Variants in APBA2 observed in about 807,000 individuals in gnomAD.
The protein encoded by APBA2 is amyloid-beta A4 precursor protein-binding family A member 2.
APBA2 carries 30 observed loss-of-function variants against 75.0 expected under a neutral mutation model. The observed-to-expected ratio is 0.40, with a 90% CI of 0.30 to 0.54. The LOEUF (loss-of-function observed/expected upper bound fraction) is 0.54. APBA2 is among the 20% of genes least tolerant of loss of function. The pLI, the probability that APBA2 is intolerant of heterozygous loss-of-function variation, is 0.49. For synonymous variants in APBA2, 444 were observed against 409.6 expected, an observed-to-expected ratio of 1.08 and a Z score of -1.01; for missense variants, 801 against 1,016.1, an observed-to-expected ratio of 0.79 and a Z score of 2.88.
At chr15:28,893,289 CTCAG>C (rs1473094980) in intron 1 of APBA2, among the ~76,000 whole-genome samples, 2 of 152,248 alleles carry the variant, frequency 1.3e-5, no homozygotes, top group Non-Finnish European at 2.9e-5. Context: ...CAGTAAAGCA[CTCAG>C]TCAGTGCAGT....
intron 2 of APBA2, among the ~76,000 whole-genome samples, chr15:28,955,249 G>A (rs777188520): frequency 2.0e-5 from 3 of 152,028 alleles, no homozygotes; most frequent in Non-Finnish European, 2.9e-5. Context: ...CGTTTTGTGT[G>A]GTCTTCGGTT....
intron 6 of APBA2, among the ~76,000 whole-genome samples, chr15:29,078,884 T>C (rs940174925): frequency 7.9e-5 from 12 of 152,192 alleles, no homozygotes; most frequent in African/African-American, 2.2e-4. Flanking sequence ...GATTAAGAGG[T>C]GATGACTTCT....
chr15:29,016,923 TG>T (rs2039690203), intron 3 of APBA2, among the ~76,000 whole-genome samples: 1 of 152,212 alleles, frequency 6.6e-6, no homozygotes, highest in African/African-American at 2.4e-5. Flanking sequence ...TTTCATCAAA[TG>T]ATGCTTATTA....
intron 3 of APBA2, among the ~76,000 whole-genome samples, chr15:29,020,272 T>C (rs575935521): frequency 3.7e-4 from 49 of 132,318 alleles, no homozygotes; most frequent in Middle Eastern, 3.4e-3. Flanking sequence ...TGTTGTCTTC[T>C]GTTTTAGGTG....
chr15:29,014,115 A>G (rs1326813469), intron 3 of APBA2, among the ~76,000 whole-genome samples: 1 of 152,208 alleles, frequency 6.6e-6, no homozygotes, highest in African/African-American at 2.4e-5. Context: ...AGATCATTGG[A>G]GAATCCCCAC....
chr15:29,107,931 G>A (rs928854777), intron 12 of APBA2, among the ~76,000 whole-genome samples: 25 of 152,160 alleles, frequency 1.6e-4, no homozygotes, highest in African/African-American at 6.0e-4. Flanking sequence ...TCGACACCCT[G>A]AGGGTGACCT....
At chr15:28,958,906 C>T (rs1308233602) in intron 2 of APBA2, among the ~76,000 whole-genome samples, 1 of 151,688 alleles carries the variant, frequency 6.6e-6, no homozygotes, top group Non-Finnish European at 1.5e-5. Flanking sequence ...TTTAGTACTG[C>T]TTTGGTGGTT....
chr15:29,042,205 G>T (rs1052700603), intron 3 of APBA2, among the ~76,000 whole-genome samples: 11 of 152,148 alleles, frequency 7.2e-5, no homozygotes, highest in Admixed American at 7.2e-4. Context: ...CAGTCCTATT[G>T]GGTTAGGGCC....
chr15:28,913,476 T>A lies in APBA2; in HGVS notation c.-204-8164T>A, dbSNP rs537674484. Reference sequence around the variant, plus strand: ...ATCCTAGGGTCTCTGACTTCAATCCTCTGGGCCCAGGTTTGCAAGCCACTC... The same window carrying A: ...ATCCTAGGGTCTCTGACTTCAATCCACTGGGCCCAGGTTTGCAAGCCACTC... On this transcript the variant is annotated intron_variant, in intron 1 of 14. Transcript: ENST00000683413. 2.0e-5 allele frequency among the ~76,000 whole-genome samples: 3 copies of A among 152,116 alleles called. No individual in the cohort carries two copies. The South Asian group carries it at 6.2e-4, about 32-fold the overall frequency.
In APBA2 at chr15:28,918,222, G is replaced by A. The variant is rs577894730; in HGVS notation, c.-204-3418G>A. Among the ~76,000 whole-genome samples the A allele has an allele frequency of 6.6e-6, 1 of 152,296 alleles. No individual in the cohort carries two copies. Among genetic ancestry groups the A allele is most frequent in the South Asian group, 2.1e-4 (1 of 4,828 alleles). ...AAAAGGCACAGGGAGGTGCAGAAGC[G>A]TTCCTGGCGCCACGGAGCCGGTCAG... On this transcript the variant is annotated intron_variant, in intron 1 of 14. Coordinates refer to ENST00000683413, the MANE Select transcript of APBA2 (RefSeq NM_001353788.2). This position sits in a 1 kb window ranked among gnomAD's most constrained non-coding sequence, Gnocchi z 4.2.
intron 9 of APBA2, among the ~76,000 whole-genome samples, chr15:29,101,324 A>G (rs111373472): frequency 0.027 from 4,136 of 151,044 alleles, 144 homozygotes; most frequent in African/African-American, 0.077. Context: ...CTGCCTTCAC[A>G]GTTCAAGCGA....
intron 13 of APBA2, among the ~76,000 whole-genome samples, chr15:29,110,679 A>C (rs1272551521): frequency 6.6e-6 from 1 of 152,218 alleles, no homozygotes; most frequent in Admixed American, 6.5e-5. Context: ...GCCCCAGGTC[A>C]CACAGCCATG....
At chr15:28,930,526 C>T (rs925996623) in intron 2 of APBA2, among the ~76,000 whole-genome samples, 5 of 152,160 alleles carry the variant, frequency 3.3e-5, no homozygotes, top group Non-Finnish European at 7.4e-5. Flanking sequence ...TTCTCCCACC[C>T]GGCTGGAGCC....
intron 3 of APBA2, among the ~76,000 whole-genome samples, chr15:29,037,150 T>A (rs926759686): frequency 2.9e-4 from 44 of 152,310 alleles, no homozygotes; most frequent in African/African-American, 9.6e-4. Flanking sequence ...TTTGGGAGAA[T>A]TTTTATTCAG....
intron 3 of APBA2, among the ~76,000 whole-genome samples, chr15:29,045,069 T>TTCTCTCTCTCTCTCTCTCTCTTTC (rs2041239498): frequency 2.8e-4 from 23 of 82,886 alleles, no homozygotes; most frequent in African/African-American, 2.5e-3. Flanking sequence ...CCCTCCCTCC[T>TTCTCTCTCTCTCTCTCTCTCTTTC]TCTCTCTCTC....
intron 3 of APBA2, among the ~76,000 whole-genome samples, chr15:29,042,729 C>T (rs929354388): frequency 6.6e-6 from 1 of 152,036 alleles, no homozygotes; most frequent in African/African-American, 2.4e-5. Context: ...AATCACAGGG[C>T]AACAAGCAGA....
chr15:28,994,919 GC>G (rs2038432083), intron 2 of APBA2, among the ~76,000 whole-genome samples: 1 of 152,212 alleles, frequency 6.6e-6, no homozygotes, highest in Non-Finnish European at 1.5e-5. Context: ...AACAGCTGAT[GC>G]CCCCGGGAGG....
intron 7 of APBA2, 90 bp from the exon 8 acceptor site, chr15:29,094,188 T>G: frequency 7.1e-7 from 1 of 1,403,080 alleles, no homozygotes; most frequent in African/African-American, 1.4e-5. Context: ...GACCTGAGAG[T>G]GGGGGCATCA....
At chr15:28,887,350 G>C (rs368380081) in intron 1 of APBA2, among the ~76,000 whole-genome samples, 57 of 152,254 alleles carry the variant, frequency 3.7e-4, no homozygotes, top group African/African-American at 1.3e-3. Flanking sequence ...CTTCCTCTTT[G>C]AGAAAGGACA....
Sources: gnomAD v4.1 joint callset for allele counts (sites outside exome capture counted in the v4.1 genomes callset) on GRCh38, gnomAD v4.1.1 for gene constraint, Gnocchi (gnomAD v3.1) non-coding constraint, MANE v1.5 for transcripts, NCBI Gene and HGNC (gene_info 2026-07-23, HGNC 2026-07-21) for gene names.